The following NCAM2 variants were observed in gnomAD, a reference collection of about 807,000 sequenced individuals.
The protein encoded by NCAM2 is N-CAM-2.
NCAM2 carries 30 observed loss-of-function variants against 98.1 expected under a neutral mutation model. The observed-to-expected ratio is 0.31, with a 90% CI of 0.23 to 0.41. The LOEUF (loss-of-function observed/expected upper bound fraction) is 0.41. Ranked by LOEUF, NCAM2 falls within the 10% of genes least tolerant of loss-of-function variation. The pLI is 1.00. For missense variants in NCAM2, 867 were observed against 1,005.8 expected (o/e 0.86, Z 1.87); for synonymous variants, 368 against 342.4 (o/e 1.07, Z -0.83).
chr21:21,179,268 AC>A (rs2068393421), intron 1 of NCAM2, among the ~76,000 whole-genome samples: 1 of 152,060 alleles, frequency 6.6e-6, no homozygotes, highest in Admixed American at 6.6e-5. Context: ...TTCAACAGCT[AC>A]TTGGTAATGT....
At chr21:21,132,825 C>T (rs1412724436) in intron 1 of NCAM2, among the ~76,000 whole-genome samples, 2 of 151,984 alleles carry the variant, frequency 1.3e-5, no homozygotes, top group African/African-American at 4.8e-5. Context: ...AATGAATAAC[C>T]ACATAACCAC....
chr21:21,494,333 AT>A (rs1420918242), intron 15 of NCAM2, among the ~76,000 whole-genome samples: 1 of 151,868 alleles, frequency 6.6e-6, no homozygotes, highest in Non-Finnish European at 1.5e-5. Context: ...ATGAAAATAT[AT>A]TTTTCATTTT....
intron 8 of NCAM2, among the ~76,000 whole-genome samples, chr21:21,350,440 A>G (rs1418147519): frequency 6.6e-6 from 1 of 152,182 alleles, no homozygotes; most frequent in Non-Finnish European, 1.5e-5. Flanking sequence ...AAATAGTGAT[A>G]GAATTATATT....
intron 16 of NCAM2, among the ~76,000 whole-genome samples, chr21:21,525,036 A>C (rs899840149): frequency 1.3e-5 from 2 of 152,134 alleles, no homozygotes; most frequent in African/African-American, 2.4e-5. Context: ...AATTTCCTTG[A>C]ATACATATAT....
intron 1 of NCAM2, among the ~76,000 whole-genome samples, chr21:21,170,547 T>C (rs2068088990): frequency 6.6e-6 from 1 of 152,048 alleles, no homozygotes; most frequent in Admixed American, 6.6e-5. Context: ...AAATGATCAG[T>C]GGTTTCCAGG....
intron 15 of NCAM2, among the ~76,000 whole-genome samples, chr21:21,504,516 C>G (rs1987849455): frequency 6.6e-6 from 1 of 151,590 alleles, no homozygotes; most frequent in East Asian, 1.9e-4. Context: ...TAGTAGTGCC[C>G]GAATCTTAAT....
chr21:21,497,634 A>C (rs1208769183), intron 15 of NCAM2, among the ~76,000 whole-genome samples: 1 of 152,168 alleles, frequency 6.6e-6, no homozygotes, highest in Non-Finnish European at 1.5e-5. Flanking sequence ...GTGTAACAAC[A>C]TTTTGACAAA....
Position 21,423,671 on chromosome 21 carries a change from AT to A in NCAM2, c.1480+5110del, listed in dbSNP as rs552357467. Among the ~76,000 whole-genome samples, 50 of 151,992 alleles carry A rather than the reference AT, an allele frequency of 3.3e-4. 1 individual carries two copies. In the South Asian group the frequency reaches 9.4e-3, roughly 28 times the overall value. On this transcript the variant is annotated intron_variant, in intron 11 of 17. Coordinates refer to ENST00000400546, the MANE Select transcript of NCAM2 (RefSeq NM_004540.5). ...TCTCTGATACTGTGCTTCACAATTGATTTTTTTTAACCTCAGTTCAGGACTC... is the reference window on the plus strand; with the variant it reads ...TCTCTGATACTGTGCTTCACAATTGATTTTTTTAACCTCAGTTCAGGACTC...
chr21:21,244,279 G>A (rs1390273126), intron 1 of NCAM2, among the ~76,000 whole-genome samples: 1 of 152,014 alleles, frequency 6.6e-6, no homozygotes, highest in African/African-American at 2.4e-5. Flanking sequence ...GAAAAAAATA[G>A]AAGTAACAAG....
At chr21:21,316,448 G>C (rs1392306771) in intron 5 of NCAM2, among the ~76,000 whole-genome samples, 3 of 150,792 alleles carry the variant, frequency 2.0e-5, no homozygotes, top group Non-Finnish European at 4.4e-5. Context: ...GTATTATTAA[G>C]ATGTTACAGT....
Position 21,491,023 on chromosome 21 carries a change from C to G in NCAM2, c.2077+13552C>G, listed in dbSNP as rs535620222. On this transcript the variant is annotated intron_variant, in intron 15 of 17. Transcript: ENST00000400546. Reference sequence around the variant, plus strand: ...TTATTACTGGTACAGCCTTTTTTGTCCTTGTCGAGTGTTGTCATATCTAAC... The same window carrying G: ...TTATTACTGGTACAGCCTTTTTTGTGCTTGTCGAGTGTTGTCATATCTAAC... 2.0e-5 allele frequency among the ~76,000 whole-genome samples: 3 copies of G among 151,664 alleles called. No individual in the cohort carries two copies. The South Asian group carries it at 6.2e-4, about 32-fold the overall frequency.
intron 1 of NCAM2, among the ~76,000 whole-genome samples, chr21:21,198,487 T>C (rs1229375809): frequency 2.6e-5 from 4 of 152,146 alleles, no homozygotes; most frequent in African/African-American, 9.7e-5. Context: ...TATAGAAAGA[T>C]GAATTAAAAT....
At chr21:21,498,082 T>G (rs1300782964) in intron 15 of NCAM2, among the ~76,000 whole-genome samples, 2 of 152,050 alleles carry the variant, frequency 1.3e-5, no homozygotes, top group Non-Finnish European at 2.9e-5. Flanking sequence ...ACTTTTATAA[T>G]TTATTTATAG....
intron 1 of NCAM2, among the ~76,000 whole-genome samples, chr21:21,203,427 A>G (rs1188870058): frequency 6.6e-6 from 1 of 152,192 alleles, no homozygotes; most frequent in Non-Finnish European, 1.5e-5. Context: ...GACTTTCCAC[A>G]CCTGGATTTA....
intron 1 of NCAM2, among the ~76,000 whole-genome samples, chr21:21,146,030 C>T (rs1282561091): frequency 1.3e-5 from 2 of 152,128 alleles, no homozygotes; most frequent in South Asian, 2.1e-4. Context: ...ACTTTTGCAA[C>T]AGAGAAACAC....
In NCAM2 at chr21:21,509,917, AAAAT is replaced by A. The variant is rs556354869; in HGVS notation, c.2282+866_2282+869del. ...TGTGTGCATTAAACACAGCAATCAA[AAAAT>A]AAACAGTCTTAAGAGTTCAGGACAT... On this transcript the variant is annotated intron_variant, in intron 16 of 17. Transcript: ENST00000400546. 5.9e-5 allele frequency among the ~76,000 whole-genome samples: 9 copies of A among 152,288 alleles called. No individual in the cohort carries two copies. The South Asian group carries it at 1.4e-3, about 25-fold the overall frequency.
At chr21:21,352,814 A>AT (rs1271242194) in intron 8 of NCAM2, among the ~76,000 whole-genome samples, 116 of 144,194 alleles carry the variant, frequency 8.0e-4, no homozygotes, top group African/African-American at 2.9e-3. Context: ...AAAAAAAAAA[A>AT]GATTAGAAAA....
chr21:21,127,600 T>C (rs780271099), intron 1 of NCAM2, among the ~76,000 whole-genome samples: 23 of 152,142 alleles, frequency 1.5e-4, no homozygotes, highest in Non-Finnish European at 2.8e-4. Context: ...AACCAACCTC[T>C]CTTCATTCTG....
chr21:21,030,526 C>T (rs2064657545), intron 1 of NCAM2, among the ~76,000 whole-genome samples: 1 of 152,174 alleles, frequency 6.6e-6, no homozygotes, highest in African/African-American at 2.4e-5. Context: ...AGATGATCTC[C>T]CCATCTCACG....
Sources: allele counts gnomAD v4.1 joint callset (sites outside exome capture counted in the v4.1 genomes callset), GRCh38; gene constraint gnomAD v4.1.1; transcripts MANE v1.5; gene names NCBI Gene and HGNC (gene_info 2026-07-23, HGNC 2026-07-21).